GABPB1: variants seen among roughly 807,000 people sequenced by gnomAD.
GABPB1 encodes the protein GA binding protein transcription factor subunit beta 1, also known as GA-binding protein subunit beta-1.
In GABPB1, 15 loss-of-function variants were observed where a neutral mutation model predicts 45.9. The observed-to-expected ratio is 0.33, with a 90% CI of 0.22 to 0.50. GABPB1 has a LOEUF of 0.50. Ranked by LOEUF, GABPB1 falls within the 20% of genes least tolerant of loss-of-function variation. GABPB1 has a pLI of 0.98. For missense variants in GABPB1, 252 were observed against 457.5 expected (o/e 0.55, Z 4.10); for synonymous variants, 143 against 154.4 (o/e 0.93, Z 0.55).
intron 1 of GABPB1, among the ~76,000 whole-genome samples, chr15:50,315,169 T>C (rs1258608987): frequency 1.3e-5 from 2 of 152,228 alleles, no homozygotes; most frequent in Non-Finnish European, 2.9e-5. Context: ...TCTCTCTCTG[T>C]AGCCCAGGCT....
At chr15:50,349,956 T>C (rs1394669890) in intron 1 of GABPB1, 2 of 152,194 alleles carry the variant, frequency 1.3e-5, no homozygotes, top group East Asian at 1.9e-4. Flanking sequence ...AGACATAATA[T>C]ATTTTTGGGT....
chr15:50,285,982 C>T (rs377427375), intron 8 of GABPB1, 86 bp downstream of exon 8: 48 of 1,547,852 alleles, frequency 3.1e-5, no homozygotes, highest in Admixed American at 6.0e-5. Context: ...CAAAACAATA[C>T]TGTCAGTAAT....
intron 1 of GABPB1, among the ~76,000 whole-genome samples, chr15:50,311,145 G>A (rs570897973): frequency 7.2e-5 from 11 of 152,136 alleles, no homozygotes; most frequent in Non-Finnish European, 1.6e-4. Flanking sequence ...TATGACAGTA[G>A]AATATAGGTA....
chr15:50,304,634 C>T (rs773666700), intron 2 of GABPB1, among the ~76,000 whole-genome samples: 4 of 151,704 alleles, frequency 2.6e-5, no homozygotes, highest in Non-Finnish European at 5.9e-5. Context: ...TCGCTTGAAC[C>T]CAGGAGGCAG....
In GABPB1 at chr15:50,286,151, C is replaced by G; in HGVS notation, c.916G>C (p.Glu306Gln). ...GGTGGTTCTTCACTTATAACAGTTT[C>G]TTCAGCAATGTCTGTTGCTGGTACT... ...LTVPATDIAE[E>Q]TVISEEPPAK... Residue 306 changes from glutamate to glutamine, a missense_variant, in exon 8 of 9, where the codon GAA becomes CAA. This residue lies in a region of GABPB1 where 193 missense variants were observed against 259.9 expected (regional missense o/e 0.74). Coordinates refer to ENST00000380877, the MANE Select transcript of GABPB1 (RefSeq NM_016654.5). 3 of 1,602,170 alleles carry G rather than the reference C, an allele frequency of 1.9e-6. No homozygotes were observed. The highest frequency in any genetic ancestry group is 2.6e-6 in the Non-Finnish European group (3 of 1,173,492).
intron 1 of GABPB1, among the ~76,000 whole-genome samples, chr15:50,320,100 C>T (rs1047250407): frequency 2.0e-5 from 3 of 152,148 alleles, no homozygotes; most frequent in African/African-American, 7.2e-5. Context: ...AAAAAACACA[C>T]AAAAAGGGGA....
chr15:50,291,908 ACT>A (rs2046353708), intron 6 of GABPB1, among the ~76,000 whole-genome samples: 1 of 134,690 alleles, frequency 7.4e-6, no homozygotes, highest in African/African-American at 3.0e-5. Flanking sequence ...ACAGAGTGAG[ACT>A]CTGTCTCAAA....
At chr15:50,337,067 A>ATG (rs71900822) in intron 1 of GABPB1, among the ~76,000 whole-genome samples, 1,346 of 117,636 alleles carry the variant, frequency 0.011, 34 homozygotes, top group South Asian at 0.017. Flanking sequence ...TTACATGTAT[A>ATG]TGTGTGTGTA....
At chr15:50,354,690 G>A (rs1308757661) in intron 1 of GABPB1, 3 of 408,198 alleles carry the variant, frequency 7.3e-6, no homozygotes, top group Non-Finnish European at 9.6e-6. Flanking sequence ...CGAGGCGGCC[G>A]CGGCATGCTA....
chr15:50,291,851 G>A (rs574138959), intron 6 of GABPB1, among the ~76,000 whole-genome samples: 20 of 151,102 alleles, frequency 1.3e-4, no homozygotes, highest in African/African-American at 4.9e-4. Flanking sequence ...CTGGGAGGTT[G>A]AGGCTGCAGT....
intron 3 of GABPB1, among the ~76,000 whole-genome samples, chr15:50,303,695 A>T (rs2046840285): frequency 6.7e-6 from 1 of 149,430 alleles, no homozygotes; most frequent in Admixed American, 6.7e-5. Context: ...AAAAAAAAAC[A>T]AAAAGAAAAA....
intron 1 of GABPB1, among the ~76,000 whole-genome samples, chr15:50,334,891 T>G (rs988061130): frequency 6.6e-6 from 1 of 152,218 alleles, no homozygotes; most frequent in African/African-American, 2.4e-5. Flanking sequence ...TTTAATTCTA[T>G]TATATGATGT....
chr15:50,317,275 G>A (rs1478996748), intron 1 of GABPB1, among the ~76,000 whole-genome samples: 1 of 151,524 alleles, frequency 6.6e-6, no homozygotes, highest in African/African-American at 2.4e-5. Flanking sequence ...TGTGGTGGCT[G>A]ACGCCTGTAA....
chr15:50,348,408 G>A (rs1286063855), intron 1 of GABPB1, among the ~76,000 whole-genome samples: 3 of 151,778 alleles, frequency 2.0e-5, no homozygotes, highest in Admixed American at 1.3e-4. Flanking sequence ...CACACACCAC[G>A]TCTGGCTAAT....
intron 1 of GABPB1, among the ~76,000 whole-genome samples, chr15:50,323,964 A>C (rs576752185): frequency 6.6e-6 from 1 of 152,174 alleles, no homozygotes; most frequent in South Asian, 2.1e-4. Flanking sequence ...CACTTTGGGA[A>C]GCCAAGATGG....
chr15:50,331,870 GTTTT>G (rs1434058764), intron 1 of GABPB1, among the ~76,000 whole-genome samples: 1 of 136,654 alleles, frequency 7.3e-6, no homozygotes, highest in African/African-American at 2.9e-5. Context: ...TTTTTTTTTT[GTTTT>G]TTGTTTTTTG....
intron 7 of GABPB1, among the ~76,000 whole-genome samples, chr15:50,286,484 A>G (rs2046159974): frequency 6.6e-6 from 1 of 152,070 alleles, no homozygotes; most frequent in African/African-American, 2.4e-5. Context: ...GAGAGGCCTC[A>G]TGCCCACCCC....
chr15:50,275,565 G>A lies in GABPB1; in HGVS notation c.*3067C>T, dbSNP rs963192083. ...ATAAATCAAAGCATCATAAATTGGGGACCATCTGTGTAGCTTTCATTACAT... is the reference window on the plus strand; with the variant it reads ...ATAAATCAAAGCATCATAAATTGGGAACCATCTGTGTAGCTTTCATTACAT... On this transcript the variant is annotated 3_prime_UTR_variant, in exon 9 of 9. Transcript: ENST00000380877. The A allele has an allele frequency of 6.6e-6, 1 of 152,086 alleles. No homozygotes were observed. The highest frequency in any genetic ancestry group is 2.4e-5 in the African/African-American group (1 of 41,396). The allele number at this position is 152,086 out of a possible 1,614,324, so 9.4% of individuals were successfully genotyped here.
At chr15:50,336,353 CAAAA>C (rs1178314012) in intron 1 of GABPB1, among the ~76,000 whole-genome samples, 2 of 115,892 alleles carry the variant, frequency 1.7e-5, no homozygotes, top group African/African-American at 3.6e-5. Flanking sequence ...GACTCTGTCC[CAAAA>C]AAAAAAAAAA....
Sources: allele counts gnomAD v4.1 joint callset (sites outside exome capture counted in the v4.1 genomes callset), GRCh38; gene constraint gnomAD v4.1.1; regional missense constraint gnomAD v4.1.1; transcripts MANE v1.5; gene names NCBI Gene and HGNC (gene_info 2026-07-23, HGNC 2026-07-21).